The following DNMT3B variants were observed in gnomAD, a reference collection of about 807,000 sequenced individuals.
DNMT3B encodes the protein DNA (cytosine-5)-methyltransferase 3B.
A neutral mutation model predicts 120.2 loss-of-function variants in DNMT3B; 37 were observed. The observed-to-expected ratio is 0.31, with a 90% CI of 0.24 to 0.40. The LOEUF (loss-of-function observed/expected upper bound fraction) is 0.40. Ranked by LOEUF, DNMT3B falls within the 10% of genes least tolerant of loss-of-function variation. DNMT3B has a pLI of 1.00. For missense variants in DNMT3B, 878 were observed against 1,137.3 expected, an observed-to-expected ratio of 0.77 and a Z score of 3.28; for synonymous variants, 412 against 442.8, an observed-to-expected ratio of 0.93 and a Z score of 0.87.
At chr20:32,788,293 T>C (rs930734123) in intron 6 of DNMT3B, among the ~76,000 whole-genome samples, 12 of 152,208 alleles carry the variant, frequency 7.9e-5, no homozygotes, top group African/African-American at 2.9e-4. Flanking sequence ...TTTTTTCTTC[T>C]ATTAAGAACT....
At chr20:32,792,475 C>G in intron 8 of DNMT3B, 151 bp from the exon 9 acceptor site, 1 of 1,330,368 alleles carries the variant, frequency 7.5e-7, no homozygotes. Flanking sequence ...CCTCCTTCCT[C>G]TGTCACATAC....
At chr20:32,779,167 GATGGGGGCCTGGAGGTCTCATT>G (rs1988236339) in intron 1 of DNMT3B, among the ~76,000 whole-genome samples, 1 of 152,180 alleles carries the variant, frequency 6.6e-6, no homozygotes, top group African/African-American at 2.4e-5. Context: ...GTGGTTCAGG[GATGGGGGCCTGGAGGTCTCATT>G]ATGCCTAGGC....
chr20:32,767,112 G>A (rs1408237709), intron 1 of DNMT3B, among the ~76,000 whole-genome samples: 1 of 151,518 alleles, frequency 6.6e-6, no homozygotes, highest in Admixed American at 6.6e-5. Context: ...GGCTGGTCTC[G>A]AACTCCCAAC....
At chr20:32,774,741 G>A (rs1987979419) in intron 1 of DNMT3B, among the ~76,000 whole-genome samples, 1 of 151,334 alleles carries the variant, frequency 6.6e-6, no homozygotes. Context: ...ATTTTGAGAT[G>A]GAGTCTCCCC....
intron 1 of DNMT3B, among the ~76,000 whole-genome samples, chr20:32,775,527 C>T (rs1436068521): frequency 6.6e-6 from 1 of 152,198 alleles, no homozygotes; most frequent in Admixed American, 6.5e-5. Flanking sequence ...AGTCGGGGCA[C>T]AGGCACCCTG....
At position 32,766,930 on chromosome 20, in the gene DNMT3B, G is replaced by A. The variant is rs546021407; in HGVS notation, c.-7+4231G>A. On this transcript the variant is annotated intron_variant, in intron 1 of 22. Transcript: ENST00000328111. Reference sequence around the variant, plus strand: ...TTTGAGATGGAGTTTCGCTCTTGTCGCCCAGGTTGGAGTGCAATGGCGTGG... The same window carrying A: ...TTTGAGATGGAGTTTCGCTCTTGTCACCCAGGTTGGAGTGCAATGGCGTGG... 1.1e-4 allele frequency among the ~76,000 whole-genome samples: 17 copies of A among 151,442 alleles called. No individual in the cohort carries two copies. The East Asian group carries it at 1.2e-3, about 10-fold the overall frequency.
At chr20:32,766,805 T>A (rs1164607955) in intron 1 of DNMT3B, among the ~76,000 whole-genome samples, 1 of 152,288 alleles carries the variant, frequency 6.6e-6, no homozygotes, top group African/African-American at 2.4e-5. Flanking sequence ...GCTAGTCTCC[T>A]GGGCTCAAGC....
In DNMT3B at chr20:32,797,351, C is replaced by T. The variant is rs774136258; in HGVS notation, c.1490+52C>T. The T allele has an allele frequency of 5.1e-5, 79 of 1,556,806 alleles. 1 individual carries two copies. The South Asian group carries it at 6.8e-4, about 13-fold the overall frequency. On this transcript the variant is annotated intron_variant, in intron 14 of 22. Transcript: ENST00000328111. ...TGTGGGTGGGCCCCCAAGGCTCCTACGTTCCTGCAGTCTGCAGACAGCTGT... is the reference window on the plus strand; with the variant it reads ...TGTGGGTGGGCCCCCAAGGCTCCTATGTTCCTGCAGTCTGCAGACAGCTGT...
At chr20:32,767,239 C>A (rs1423290343) in intron 1 of DNMT3B, among the ~76,000 whole-genome samples, 2 of 152,018 alleles carry the variant, frequency 1.3e-5, no homozygotes, top group Admixed American at 1.3e-4. Flanking sequence ...TTTATGGGTA[C>A]AACATCATTT....
At chr20:32,795,798 T>C in intron 12 of DNMT3B, 104 bp downstream of exon 12, 1 of 1,479,628 alleles carries the variant, frequency 6.8e-7, no homozygotes, top group Non-Finnish European at 9.4e-7. Flanking sequence ...CCCAGAGCTC[T>C]GTTCCTTAAC....
chr20:32,772,069 C>T (rs1169338997), intron 1 of DNMT3B, among the ~76,000 whole-genome samples: 1 of 152,196 alleles, frequency 6.6e-6, no homozygotes, highest in African/African-American at 2.4e-5. Context: ...ATAAGTACTG[C>T]ACTCTTTGCC....
In DNMT3B at chr20:32,792,646, C is replaced by T. The variant is rs1262020125; in HGVS notation, c.942C>T (p.Gly314=). Residue 314 remains glycine (G), a synonymous_variant, in exon 9 of 23, where the codon GGC becomes GGT. Transcript: ENST00000328111. ...TGCAGAAAGCTAGGGTGCGAGCTGG[C>T]AAGACCTTCCCCAGCAGCCCTGGAG... is the stretch of plus-strand genomic sequence containing the variant. The part of the protein sequence containing the change: ...HALEKARVRA[G]KTFPSSPGDS... The T allele has an allele frequency of 6.2e-7, 1 of 1,614,128 alleles. No individual in the cohort carries two copies. Among genetic ancestry groups the T allele is most frequent in the Non-Finnish European group, 8.5e-7 (1 of 1,180,052 alleles).
intron 1 of DNMT3B, among the ~76,000 whole-genome samples, chr20:32,771,395 C>T (rs1011805824): frequency 3.3e-5 from 5 of 152,108 alleles, no homozygotes; most frequent in African/African-American, 9.7e-5. Context: ...AATCCCAGCA[C>T]TTTGGGAGGC....
At chr20:32,797,494 T>G (rs1203452705) in intron 14 of DNMT3B, among the ~76,000 whole-genome samples, 195 bp downstream of exon 14, 2 of 152,308 alleles carry the variant, frequency 1.3e-5, no homozygotes, top group African/African-American at 4.8e-5. Context: ...AACTCATGTA[T>G]AGGGAACGGC....
At chr20:32,778,362 C>G (rs888396358) in intron 1 of DNMT3B, among the ~76,000 whole-genome samples, 1 of 99,664 alleles carries the variant, frequency 1.0e-5, no homozygotes, top group African/African-American at 5.7e-5. Context: ...GAGACTCTGT[C>G]TCAAAAAAAA....
At chr20:32,802,278 C>T in intron 19 of DNMT3B, 107 bp from the exon 20 acceptor site, 1 of 1,192,674 alleles carries the variant, frequency 8.4e-7, no homozygotes, top group Non-Finnish European at 1.3e-6. Context: ...TTTGGAGGAT[C>T]CGTGCCTCAT....
intron 1 of DNMT3B, among the ~76,000 whole-genome samples, chr20:32,763,986 C>T (rs576546250): frequency 6.6e-6 from 1 of 152,258 alleles, no homozygotes; most frequent in East Asian, 1.9e-4. Flanking sequence ...TCTTGTTCAC[C>T]CACCTTGGAA....
chr20:32,767,879 G>A (rs1006513162), intron 1 of DNMT3B, among the ~76,000 whole-genome samples: 1 of 152,224 alleles, frequency 6.6e-6, no homozygotes, highest in Non-Finnish European at 1.5e-5. Flanking sequence ...GGCTTTTCTG[G>A]ATTCCAGCAG....
At chr20:32,789,907 A>G (rs1437660521) in intron 7 of DNMT3B, among the ~76,000 whole-genome samples, 1 of 152,180 alleles carries the variant, frequency 6.6e-6, no homozygotes, top group Non-Finnish European at 1.5e-5. Flanking sequence ...AAAGATTTTA[A>G]TCAGACAGAC....
Sources: allele counts gnomAD v4.1 joint callset (sites outside exome capture counted in the v4.1 genomes callset), GRCh38; gene constraint gnomAD v4.1.1; transcripts MANE v1.5; gene names NCBI Gene and HGNC (gene_info 2026-07-23, HGNC 2026-07-21).